The following ITPR1 variants were observed in gnomAD, a reference collection of about 807,000 sequenced individuals.
ITPR1 encodes inositol 1,4,5-trisphosphate-gated calcium channel ITPR1.
In ITPR1, 96 loss-of-function variants were observed where a neutral mutation model predicts 318.4. That is an observed-to-expected ratio of 0.30 (90% CI 0.26 to 0.36). The LOEUF is 0.36. Among genes scored for constraint, ITPR1 ranks in the 10% least tolerant of loss-of-function variants. ITPR1 has a pLI of 1.00. For missense variants in ITPR1, 2,440 were observed against 3,460.2 expected (o/e 0.71, Z 7.40); for synonymous variants, 1,312 against 1,289.9 (o/e 1.02, Z -0.37).
intron 4 of ITPR1, among the ~76,000 whole-genome samples, chr3:4,586,217 G>A (rs992966844): frequency 1.3e-5 from 2 of 152,082 alleles, no homozygotes; most frequent in African/African-American, 2.4e-5. Context: ...GAATAGTGCC[G>A]CAATAAACAT....
At chr3:4,550,996 C>G (rs1367943890) in intron 4 of ITPR1, among the ~76,000 whole-genome samples, 1 of 152,134 alleles carries the variant, frequency 6.6e-6, no homozygotes, top group Non-Finnish European at 1.5e-5. Context: ...TAGAATAGTG[C>G]TGCCTGCCTT....
intron 60 of ITPR1, among the ~76,000 whole-genome samples, chr3:4,834,891 T>C (rs2050782794): frequency 6.6e-6 from 1 of 152,224 alleles, no homozygotes; most frequent in East Asian, 1.9e-4. Flanking sequence ...TTATTCAGGG[T>C]ATAGGAAGGT....
At chr3:4,658,355 A>G in intron 13 of ITPR1, 77 bp downstream of exon 13, 1 of 1,217,264 alleles carries the variant, frequency 8.2e-7, no homozygotes, top group Non-Finnish European at 1.2e-6. Context: ...TGGAATCCAA[A>G]TCGTTACTGC....
At chr3:4,832,048 T>C (rs546713736) in intron 60 of ITPR1, among the ~76,000 whole-genome samples, 6 of 152,366 alleles carry the variant, frequency 3.9e-5, no homozygotes, top group African/African-American at 1.4e-4. Flanking sequence ...AACTACCAGG[T>C]ACTTCTTGGT....
intron 19 of ITPR1, among the ~76,000 whole-genome samples, chr3:4,670,129 G>A (rs186279060): frequency 6.6e-6 from 1 of 152,298 alleles, no homozygotes; most frequent in East Asian, 1.9e-4. Flanking sequence ...TTAAGTCAGT[G>A]TTGGGAGGAG....
At chr3:4,612,063 CTTTTT>C (rs34678180) in intron 4 of ITPR1, among the ~76,000 whole-genome samples, 2 of 108,560 alleles carry the variant, frequency 1.8e-5, no homozygotes, top group Non-Finnish European at 1.7e-5. Flanking sequence ...GTATCAGGCC[CTTTTT>C]TTTTTTTTTT....
At chr3:4,742,750 T>C (rs2043800750) in intron 44 of ITPR1, among the ~76,000 whole-genome samples, 1 of 152,212 alleles carries the variant, frequency 6.6e-6, no homozygotes, top group Non-Finnish European at 1.5e-5. Context: ...CGGACCACCA[T>C]GCTCGGTTCT....
intron 2 of ITPR1, among the ~76,000 whole-genome samples, chr3:4,510,074 GGA>G (rs2124900594): frequency 6.6e-6 from 1 of 152,336 alleles, no homozygotes; most frequent in Admixed American, 6.5e-5. Context: ...CTGGGAGGTC[GGA>G]GAGGGCTTCC....
At chr3:4,626,676 G>A (rs770266593) in intron 4 of ITPR1, among the ~76,000 whole-genome samples, 1 of 152,166 alleles carries the variant, frequency 6.6e-6, no homozygotes, top group African/African-American at 2.4e-5. Flanking sequence ...GAAGCACATC[G>A]CAGTGCACTG....
At chr3:4,647,741 A>T (rs1415541300) in intron 10 of ITPR1, among the ~76,000 whole-genome samples, 4 of 152,190 alleles carry the variant, frequency 2.6e-5, no homozygotes, top group Non-Finnish European at 5.9e-5. Flanking sequence ...AACGATGTTG[A>T]GCATTTTTCT....
At position 4,533,264 on chromosome 3, in the gene ITPR1, A is replaced by G. The variant is rs116239082; in HGVS notation, c.163+12170A>G. Among the ~76,000 whole-genome samples the G allele has an allele frequency of 4.0e-3, 611 of 152,372 alleles. 1 individual carries two copies. Among genetic ancestry groups the G allele is most frequent in the African/African-American group, 0.014 (579 of 41,584 alleles). ...AGCTTTCTAAGTCAAGGCTTGCCGAATCCGGTCATAATGAGTGGGTAAGAT... is the reference window on the plus strand; with the variant it reads ...AGCTTTCTAAGTCAAGGCTTGCCGAGTCCGGTCATAATGAGTGGGTAAGAT... On this transcript the variant is annotated intron_variant, in intron 4 of 61. Transcript: ENST00000649015.
chr3:4,805,389 C>G (rs1391476878), intron 54 of ITPR1, among the ~76,000 whole-genome samples: 1 of 152,192 alleles, frequency 6.6e-6, no homozygotes, highest in East Asian at 1.9e-4. Flanking sequence ...ACATCATTGG[C>G]TCCATTTGGT....
At chr3:4,729,046 TG>T (rs148336312) in intron 42 of ITPR1, among the ~76,000 whole-genome samples, 2,864 of 152,324 alleles carry the variant, frequency 0.019, 98 homozygotes, top group African/African-American at 0.065. Context: ...CCTTTAGAAT[TG>T]TCCTAGGTCC....
intron 2 of ITPR1, among the ~76,000 whole-genome samples, chr3:4,510,674 C>T (rs2081747913): frequency 1.3e-5 from 2 of 152,150 alleles, no homozygotes; most frequent in African/African-American, 4.8e-5. Flanking sequence ...CAGCATGTGC[C>T]TTGTACGGTG....
At chr3:4,767,293 G>C (rs1370129116) in intron 45 of ITPR1, among the ~76,000 whole-genome samples, 1 of 152,348 alleles carries the variant, frequency 6.6e-6, no homozygotes, top group Admixed American at 6.5e-5. Context: ...CCTGTGCACT[G>C]TAAGATACTT....
At chr3:4,675,958 G>A (rs2094176047) in intron 23 of ITPR1, among the ~76,000 whole-genome samples, 1 of 152,020 alleles carries the variant, frequency 6.6e-6, no homozygotes, top group African/African-American at 2.4e-5. Flanking sequence ...AGGTAGTATG[G>A]TGCACCTAAG....
chr3:4,742,186 A>G (rs1036271542), intron 44 of ITPR1, among the ~76,000 whole-genome samples: 1 of 152,206 alleles, frequency 6.6e-6, no homozygotes. Flanking sequence ...CCTCCAGACC[A>G]CAATATTTGT....
chr3:4,511,997 AT>A (rs890058978), intron 2 of ITPR1, among the ~76,000 whole-genome samples: 9 of 151,992 alleles, frequency 5.9e-5, no homozygotes, highest in East Asian at 1.9e-4. Flanking sequence ...TAATTGTTTT[AT>A]TTTTTCACAG....
At chr3:4,834,710 G>A (rs543656807) in intron 60 of ITPR1, among the ~76,000 whole-genome samples, 1 of 152,336 alleles carries the variant, frequency 6.6e-6, no homozygotes, top group Admixed American at 6.5e-5. Flanking sequence ...TACAGTCAAC[G>A]ATAGGCCACT....
Sources: gnomAD v4.1 joint callset for allele counts (sites outside exome capture counted in the v4.1 genomes callset) on GRCh38, gnomAD v4.1.1 for gene constraint, MANE v1.5 for transcripts, NCBI Gene and HGNC (gene_info 2026-07-23, HGNC 2026-07-21) for gene names.